Variants in VDAC2 observed in about 807,000 individuals in gnomAD.
VDAC2 encodes the protein non-selective voltage-gated ion channel VDAC2.
In VDAC2, 6 loss-of-function variants were observed where a neutral mutation model predicts 36.6. The ratio of observed to expected loss-of-function variants is 0.16; its 90% CI spans 0.09 to 0.32. The LOEUF is 0.32. Among genes scored for constraint, VDAC2 ranks in the 10% least tolerant of loss-of-function variants. The pLI, the probability that VDAC2 is intolerant of heterozygous loss-of-function variation, is 1.00. For synonymous variants in VDAC2, 109 were observed against 123.8 expected (o/e 0.88, Z 0.79); for missense variants, 247 against 346.0 (o/e 0.71, Z 2.27).
chr10:75,211,578 G>A (rs894813742), intron 2 of VDAC2: 4 of 1,550,616 alleles, frequency 2.6e-6, no homozygotes, highest in Non-Finnish European at 2.6e-6. Flanking sequence ...GTGCTTTGTG[G>A]AATGAATGAG....
chr10:75,226,085 G>A (rs745687229), intron 8 of VDAC2, among the ~76,000 whole-genome samples: 13 of 152,146 alleles, frequency 8.5e-5, no homozygotes, highest in Non-Finnish European at 1.0e-4. Flanking sequence ...GAGCCACTGC[G>A]CCCATCCTAG....
At position 75,219,216 on chromosome 10, in the gene VDAC2, G is replaced by A. The variant is rs922331697; in HGVS notation, c.303+1G>A. The A allele has an allele frequency of 6.3e-7, 1 of 1,588,204 alleles. No individual in the cohort carries two copies. Among genetic ancestry groups the A allele is most frequent in the Non-Finnish European group, 8.5e-7 (1 of 1,170,554 alleles). ...AACAGAAATCGCAATTGAAGACCAG[G>A]TAACATTTTGAAAATTTTAGTATTA... On this transcript the variant is annotated splice_donor_variant, in intron 5 of 9. Transcript: ENST00000332211. LOFTEE classifies it high-confidence loss of function.
chr10:75,219,190 G>A lies in VDAC2; in HGVS notation c.278G>A (p.Gly93Glu). 1.2e-6 allele frequency: 2 copies of A among 1,602,454 alleles called. No individual in the cohort carries two copies. The highest frequency in any genetic ancestry group is 1.7e-6 in the Non-Finnish European group (2 of 1,174,628). ...AAGTGGAACACTGATAACACTCTGG[G>A]AACAGAAATCGCAATTGAAGACCAG... ...TEKWNTDNTL[G>E]TEIAIEDQIC... The change falls in exon 5 of 10, where the codon GGA becomes GAA. Residue 93 changes from glycine (G) to glutamate (E), a missense_variant. Around this residue, in one of 3 missense-constraint regions of VDAC2, gnomAD observed 159 missense variants for 234.0 expected, o/e 0.68. Transcript: ENST00000332211.
At chr10:75,213,838 C>T (rs536474575) in intron 3 of VDAC2, among the ~76,000 whole-genome samples, 183 bp from the exon 4 acceptor site, 1 of 152,124 alleles carries the variant, frequency 6.6e-6, no homozygotes, top group Non-Finnish European at 1.5e-5. Flanking sequence ...TAATTCTGCC[C>T]TTTATAAGCC....
At chr10:75,222,603 T>A (rs527514437) in intron 8 of VDAC2, among the ~76,000 whole-genome samples, 1 of 152,346 alleles carries the variant, frequency 6.6e-6, no homozygotes, top group Admixed American at 6.5e-5. Context: ...GGAGTTTGTT[T>A]AACCTCAAAA....
At chr10:75,218,404 C>A (rs1307315414) in intron 4 of VDAC2, among the ~76,000 whole-genome samples, 1 of 152,164 alleles carries the variant, frequency 6.6e-6, no homozygotes, top group African/African-American at 2.4e-5. Flanking sequence ...CATGAGCCAC[C>A]ACACTCAGTC....
At chr10:75,229,767 CT>C in intron 9 of VDAC2, 66 bp downstream of exon 9, 1 of 1,365,078 alleles carries the variant, frequency 7.3e-7, no homozygotes, top group Non-Finnish European at 1.0e-6. Context: ...CATTCTTCAG[CT>C]TACTTTTCAG....
chr10:75,226,744 G>A (rs759002763), intron 8 of VDAC2, among the ~76,000 whole-genome samples: 4 of 152,116 alleles, frequency 2.6e-5, no homozygotes, highest in South Asian at 2.1e-4. Flanking sequence ...TAACAGGAAC[G>A]AGCCACTGCG....
Position 75,219,312 on chromosome 10 carries a change from A to G in VDAC2, c.312A>G (p.Gln104=), listed in dbSNP as rs144704103. ...TEIAIEDQIC[Q]GLKLTFDTTF... is the part of the protein sequence containing the mutation. ...CTTTTCTTTCAAAATAGATTTGTCA[A>G]GGTTTGAAACTGACATTTGATACTA... The change falls in exon 6 of 10, where the codon CAA becomes CAG. Residue 104 remains glutamine (Q), a synonymous_variant. Coordinates refer to ENST00000332211, the MANE Select transcript of VDAC2 (RefSeq NM_001391963.1). 1,129 of 1,597,380 alleles carry G rather than the reference A, an allele frequency of 7.1e-4. 5 individuals are homozygous for G. The Middle Eastern group carries it at 0.015, about 21-fold the overall frequency.
chr10:75,229,230 G>A (rs1315460014), intron 8 of VDAC2: 1 of 151,986 alleles, frequency 6.6e-6, no homozygotes, highest in Non-Finnish European at 1.5e-5. Context: ...AGTAATGTGT[G>A]TAACTAAGTC....
chr10:75,211,093 C>A, intron 1 of VDAC2, 41 bp from the exon 2 acceptor site: 2 of 1,567,452 alleles, frequency 1.3e-6, no homozygotes, highest in Non-Finnish European at 1.7e-6. Context: ...TCCCTTTGGC[C>A]CTTTGACCCC....
intron 8 of VDAC2, among the ~76,000 whole-genome samples, chr10:75,228,714 C>T (rs1842027670): frequency 1.3e-5 from 2 of 151,922 alleles, no homozygotes; most frequent in South Asian, 2.1e-4. Flanking sequence ...GTATAGACAT[C>T]GAATCATTTG....
At chr10:75,227,927 C>G (rs1318468749) in intron 8 of VDAC2, among the ~76,000 whole-genome samples, 1 of 147,426 alleles carries the variant, frequency 6.8e-6, no homozygotes, top group East Asian at 2.0e-4. Flanking sequence ...CGGAGTCTCG[C>G]TCAGTAGCCC....
At chr10:75,221,345 C>A (rs1309478563) in intron 7 of VDAC2, among the ~76,000 whole-genome samples, 1 of 151,174 alleles carries the variant, frequency 6.6e-6, no homozygotes, top group African/African-American at 2.4e-5. Flanking sequence ...TTTTCTTTTT[C>A]TTTTTTCTTT....
intron 4 of VDAC2, among the ~76,000 whole-genome samples, chr10:75,215,670 G>A (rs1841579924): frequency 1.3e-5 from 2 of 151,138 alleles, no homozygotes; most frequent in African/African-American, 4.9e-5. Flanking sequence ...CATTTTTGAT[G>A]TAGTGCATGT....
chr10:75,222,276 A>C lies in VDAC2; in HGVS notation c.609A>C (p.Gly203=). 1 of 1,613,986 alleles carries C rather than the reference A, an allele frequency of 6.2e-7. No individual in the cohort carries two copies. The highest frequency in any genetic ancestry group is 8.5e-7 in the Non-Finnish European group (1 of 1,179,922). The change falls in exon 8 of 10, where the codon GGA becomes GGC. Residue 203 remains glycine (G), a synonymous_variant. Transcript: ENST00000332211. ...TNVNDGTEFG[G]SIYQKVCEDL... The stretch of plus-strand genomic sequence containing the variant: ...GCAATGATGGGACAGAATTTGGAGG[A>C]TCAATTTATCAGAAAGTTTGTGAAG...
chr10:75,230,339 ATTATTAACAT>A (rs1288062695), intron 9 of VDAC2, among the ~76,000 whole-genome samples: 1 of 152,176 alleles, frequency 6.6e-6, no homozygotes, highest in Non-Finnish European at 1.5e-5. Context: ...TTTATTAACA[ATTATTAACAT>A]TTACTACATT....
At chr10:75,219,406 T>A (rs1449830855) in intron 6 of VDAC2, 50 bp downstream of exon 6, 1 of 1,461,586 alleles carries the variant, frequency 6.8e-7, no homozygotes, top group East Asian at 2.3e-5. Flanking sequence ...ATTTCTCTTT[T>A]GTATATTTAG....
At chr10:75,230,861 C>T (rs765975342) in intron 9 of VDAC2, 37 bp from the exon 10 acceptor site, 1 of 1,583,080 alleles carries the variant, frequency 6.3e-7, no homozygotes, top group Non-Finnish European at 8.6e-7. Context: ...CCAGGTACAT[C>T]ACGGTTTTTT....
Sources: allele counts gnomAD v4.1 joint callset (sites outside exome capture counted in the v4.1 genomes callset), GRCh38; gene constraint gnomAD v4.1.1; regional missense constraint gnomAD v4.1.1; transcripts MANE v1.5; gene names NCBI Gene and HGNC (gene_info 2026-07-23, HGNC 2026-07-21).